NRXN3: variants seen among roughly 807,000 people sequenced by gnomAD.
NRXN3 encodes the protein neurexin 3.
In NRXN3, 32 loss-of-function variants were observed where a neutral mutation model predicts 137.6. The ratio of observed to expected loss-of-function variants is 0.23; its 90% confidence interval spans 0.18 to 0.31. The LOEUF (loss-of-function observed/expected upper bound fraction) is 0.31, where lower values mean the gene tolerates loss of function less well. NRXN3 is among the 10% of genes least tolerant of loss of function. The probability of loss-of-function intolerance (pLI) is 1.00; values close to 1 mark genes in which losing one functional copy is unlikely to be tolerated. For missense variants in NRXN3, 1,574 were observed against 2,062.5 expected (o/e 0.76, Z 4.59); for synonymous variants, 798 against 784.5 (o/e 1.02, Z -0.29).
chr14:78,315,894 G>A (rs1260332078), intron 4 of NRXN3, among the ~76,000 whole-genome samples: 2 of 152,188 alleles, frequency 1.3e-5, no homozygotes, highest in Non-Finnish European at 2.9e-5. Context: ...ACAGTTAACT[G>A]ATGGCAACTC....
chr14:79,545,881 C>G (rs2097314612), intron 16 of NRXN3, among the ~76,000 whole-genome samples: 1 of 151,920 alleles, frequency 6.6e-6, no homozygotes, highest in Non-Finnish European at 1.5e-5. Flanking sequence ...TGGCTGTGTC[C>G]CCACCCAAAT....
chr14:79,800,963 A>C (rs1048812008), intron 19 of NRXN3, among the ~76,000 whole-genome samples: 2 of 152,222 alleles, frequency 1.3e-5, no homozygotes, highest in Non-Finnish European at 2.9e-5. Flanking sequence ...AGCATTCCTA[A>C]TTCTAAGCCT....
At chr14:79,120,717 G>T (rs1016557945) in intron 15 of NRXN3, among the ~76,000 whole-genome samples, 5 of 151,440 alleles carry the variant, frequency 3.3e-5, no homozygotes, top group African/African-American at 1.2e-4. Context: ...TTTTATTTTT[G>T]TAATGAGAAT....
intron 6 of NRXN3, among the ~76,000 whole-genome samples, chr14:78,679,809 C>T (rs1357742466): frequency 6.6e-6 from 1 of 152,134 alleles, no homozygotes; most frequent in Non-Finnish European, 1.5e-5. Flanking sequence ...ATGTCAGGCA[C>T]TGTGCTAAGT....
chr14:79,363,117 C>T (rs2093746272), intron 15 of NRXN3, among the ~76,000 whole-genome samples: 1 of 152,042 alleles, frequency 6.6e-6, no homozygotes, highest in Non-Finnish European at 1.5e-5. Flanking sequence ...TCTCCTCCCC[C>T]AGCCTCCTGA....
intron 1 of NRXN3, among the ~76,000 whole-genome samples, chr14:78,182,116 C>CGG (rs5809866): frequency 1.9e-4 from 26 of 134,844 alleles, no homozygotes; most frequent in Non-Finnish European, 3.9e-4. Flanking sequence ...ATGATGGGGC[C>CGG]GGGGGGGACA....
intron 16 of NRXN3, among the ~76,000 whole-genome samples, chr14:79,471,344 C>A (rs988333198): frequency 6.6e-6 from 1 of 152,134 alleles, no homozygotes; most frequent in African/African-American, 2.4e-5. Flanking sequence ...GATCTAGCTT[C>A]CATTAGTCAT....
intron 6 of NRXN3, among the ~76,000 whole-genome samples, chr14:78,662,110 G>A (rs2097846782): frequency 1.3e-5 from 2 of 151,334 alleles, no homozygotes; most frequent in African/African-American, 2.4e-5. Context: ...TCCTTCAAGC[G>A]ATCCATCCAC....
At chr14:79,193,062 C>T (rs1455998627) in intron 15 of NRXN3, among the ~76,000 whole-genome samples, 1 of 151,924 alleles carries the variant, frequency 6.6e-6, no homozygotes, top group Non-Finnish European at 1.5e-5. Flanking sequence ...AGCCACCACG[C>T]CTGGCTATGT....
At chr14:79,300,175 T>G (rs2084902711) in intron 15 of NRXN3, among the ~76,000 whole-genome samples, 1 of 152,014 alleles carries the variant, frequency 6.6e-6, no homozygotes, top group South Asian at 2.1e-4. Context: ...CTCAATGACA[T>G]TCAAATGTTA....
In NRXN3 at chr14:79,191,309, G is replaced by C. The variant is rs562055218; in HGVS notation, c.3262+203168G>C. ...AATACAAAGGCATGGCCAGTAGCCA[G>C]AGCAGGAGTGCCTCAGAAATTGATG... On this transcript the variant is annotated intron_variant, in intron 15 of 20. Transcript: ENST00000335750. Among the ~76,000 whole-genome samples, 156 of 152,322 alleles carry C rather than the reference G, an allele frequency of 1.0e-3. 1 individual carries two copies. The highest frequency in any genetic ancestry group is 3.6e-3 in the African/African-American group (150 of 41,582).
At chr14:79,639,023 A>G (rs1030399236) in intron 16 of NRXN3, among the ~76,000 whole-genome samples, 3 of 152,106 alleles carry the variant, frequency 2.0e-5, no homozygotes, top group Non-Finnish European at 2.9e-5. Flanking sequence ...TCTCTGTAAT[A>G]CGGTTCTATG....
chr14:78,295,902 T>A (rs2153523687), intron 3 of NRXN3, among the ~76,000 whole-genome samples: 1 of 152,302 alleles, frequency 6.6e-6, no homozygotes, highest in East Asian at 1.9e-4. Context: ...AAATAAAGAC[T>A]CTTCCATCGC....
intron 16 of NRXN3, among the ~76,000 whole-genome samples, chr14:79,655,804 T>A (rs1181417590): frequency 3.3e-5 from 5 of 152,282 alleles, no homozygotes; most frequent in South Asian, 4.1e-4. Flanking sequence ...TTGCCAAATG[T>A]CCCTGGAGAT....
At chr14:79,843,848 C>G (rs1283827549) in intron 20 of NRXN3, among the ~76,000 whole-genome samples, 2 of 151,924 alleles carry the variant, frequency 1.3e-5, no homozygotes, top group African/African-American at 2.4e-5. Context: ...TTTAGTGCAC[C>G]CATCACCTGA....
intron 15 of NRXN3, among the ~76,000 whole-genome samples, chr14:79,460,595 T>A (rs2096322089): frequency 6.7e-6 from 1 of 150,264 alleles, no homozygotes; most frequent in African/African-American, 2.5e-5. Flanking sequence ...GTTGAAGCCT[T>A]GTTTCTGGAA....
intron 10 of NRXN3, among the ~76,000 whole-genome samples, chr14:78,900,434 AT>A (rs1174110550): frequency 1.4e-5 from 2 of 137,938 alleles, no homozygotes; most frequent in African/African-American, 2.8e-5. Context: ...AACCTCCTTC[AT>A]TTTTTTTCTT....
chr14:78,917,433 C>T (rs1249583026), intron 10 of NRXN3, among the ~76,000 whole-genome samples: 3 of 152,152 alleles, frequency 2.0e-5, no homozygotes, highest in Non-Finnish European at 4.4e-5. Context: ...TACAACAGAC[C>T]TGCACATGTA....
At chr14:78,863,214 T>A (rs766620094) in intron 10 of NRXN3, among the ~76,000 whole-genome samples, 1 of 152,118 alleles carries the variant, frequency 6.6e-6, no homozygotes, top group Non-Finnish European at 1.5e-5. Context: ...ACTGAATTTA[T>A]ATGAACCAAT....
Sources: allele counts gnomAD v4.1 joint callset (sites outside exome capture counted in the v4.1 genomes callset), GRCh38; gene constraint gnomAD v4.1.1; transcripts MANE v1.5; gene names NCBI Gene and HGNC (gene_info 2026-07-23, HGNC 2026-07-21).